The following KHDRBS2 variants were observed in gnomAD, a reference collection of about 807,000 sequenced individuals.
KHDRBS2 encodes KH domain-containing, RNA-binding, signal transduction-associated protein 2.
A neutral mutation model predicts 44.3 loss-of-function variants in KHDRBS2; 26 were observed. The observed-to-expected ratio is 0.59, with a 90% confidence interval of 0.43 to 0.81. The LOEUF (loss-of-function observed/expected upper bound fraction) is 0.81. Among genes scored for constraint, KHDRBS2 ranks in the 40% least tolerant of loss-of-function variants. The pLI is 0.00. For synonymous variants in KHDRBS2, 194 were observed against 151.1 expected, an observed-to-expected ratio of 1.28 and a Z score of -2.08; for missense variants, 476 against 433.1, an observed-to-expected ratio of 1.10 and a Z score of -0.88.
chr6:61,922,256 A>G (rs1274750997), intron 4 of KHDRBS2, among the ~76,000 whole-genome samples: 1 of 152,054 alleles, frequency 6.6e-6, no homozygotes, highest in African/African-American at 2.4e-5. Flanking sequence ...TCAGGCAACT[A>G]AGGCTAGTGA....
intron 2 of KHDRBS2, among the ~76,000 whole-genome samples, chr6:62,090,309 C>T (rs187366988): frequency 6.6e-6 from 1 of 152,074 alleles, no homozygotes; most frequent in African/African-American, 2.4e-5. Flanking sequence ...TTTAAGGGCC[C>T]AAGCATAGTT....
intron 6 of KHDRBS2, among the ~76,000 whole-genome samples, chr6:61,751,526 A>C (rs1158164228): frequency 6.6e-6 from 1 of 152,214 alleles, no homozygotes; most frequent in Non-Finnish European, 1.5e-5. Context: ...ACATGACACA[A>C]GTCTGAACTG....
At chr6:61,553,434 A>C in the KHDRBS2 span, among the ~76,000 whole-genome samples, 1 of 151,056 alleles carries the variant, frequency 6.6e-6, no homozygotes, top group African/African-American at 2.5e-5. Flanking sequence ...TATCCTATTT[A>C]TTTCTTCAGA....
intron 2 of KHDRBS2, among the ~76,000 whole-genome samples, chr6:62,095,664 C>T (rs776292410): frequency 1.3e-5 from 2 of 151,920 alleles, no homozygotes; most frequent in Non-Finnish European, 2.9e-5. Context: ...TGTCTCCAAA[C>T]AGGGACAATC....
In KHDRBS2 at chr6:62,053,402, T is replaced by C. The variant is rs1341373327; in HGVS notation, c.220-5408A>G. The stretch of plus-strand genomic sequence containing the variant: ...AAACCCACTTGGCAAAATAGTATCA[T>C]AGCTAAGTCCTGTTGTATGTACAAA... On this transcript the variant is annotated intron_variant, in intron 2 of 8. Coordinates refer to ENST00000281156, the MANE Select transcript of KHDRBS2 (RefSeq NM_152688.4). Among the ~76,000 whole-genome samples, 6 of 151,966 alleles carry C rather than the reference T, an allele frequency of 3.9e-5. No individual in the cohort carries two copies. The East Asian group carries it at 9.7e-4, about 25-fold the overall frequency.
intron 6 of KHDRBS2, among the ~76,000 whole-genome samples, chr6:61,877,048 T>C (rs1799515385): frequency 6.6e-6 from 1 of 152,068 alleles, no homozygotes; most frequent in Non-Finnish European, 1.5e-5. Context: ...ATAATCACTC[T>C]ATTCATTTGC....
chr6:61,899,738 C>A (rs957287903), intron 5 of KHDRBS2, among the ~76,000 whole-genome samples: 3 of 139,254 alleles, frequency 2.2e-5, no homozygotes, highest in South Asian at 2.5e-4. Flanking sequence ...TTAATGCCCC[C>A]CCCCCGCATT....
intron 2 of KHDRBS2, among the ~76,000 whole-genome samples, chr6:62,087,422 A>G: frequency 6.6e-6 from 1 of 151,722 alleles, no homozygotes; most frequent in Non-Finnish European, 1.5e-5. Context: ...AATTTAGACT[A>G]ATTTAGAAGA....
chr6:61,844,769 G>A (rs1794128226), intron 6 of KHDRBS2, among the ~76,000 whole-genome samples: 1 of 152,080 alleles, frequency 6.6e-6, no homozygotes, highest in Non-Finnish European at 1.5e-5. Context: ...CTGAAATCAT[G>A]TAAAGCTAGC....
At chr6:62,269,163 G>T (rs1229312198) in intron 1 of KHDRBS2, among the ~76,000 whole-genome samples, 1 of 151,956 alleles carries the variant, frequency 6.6e-6, no homozygotes, top group Non-Finnish European at 1.5e-5. Context: ...AGAAAATATT[G>T]AGAATAACTC....
At chr6:61,638,705 A>C in the KHDRBS2 span, among the ~76,000 whole-genome samples, 2 of 152,172 alleles carry the variant, frequency 1.3e-5, no homozygotes, top group Non-Finnish European at 2.9e-5. Flanking sequence ...ATCAATTAGC[A>C]TTATTCTGGT....
intron 3 of KHDRBS2, among the ~76,000 whole-genome samples, chr6:61,988,096 T>C (rs1282800374): frequency 6.6e-6 from 1 of 152,214 alleles, no homozygotes; most frequent in Non-Finnish European, 1.5e-5. Flanking sequence ...TTACTTATCT[T>C]GGGTTTGTAG....
chr6:61,991,060 C>T (rs931899728), intron 3 of KHDRBS2, among the ~76,000 whole-genome samples: 5 of 151,958 alleles, frequency 3.3e-5, no homozygotes, highest in South Asian at 2.1e-4. Context: ...TTCCCAGGGC[C>T]GTGGATGATT....
chr6:61,624,189 G>T, the KHDRBS2 span, among the ~76,000 whole-genome samples: 1 of 152,142 alleles, frequency 6.6e-6, no homozygotes, highest in Non-Finnish European at 1.5e-5. Context: ...CAGACAAAAC[G>T]ATTTGTCCAG....
At chr6:61,929,979 A>G (rs577103918) in intron 4 of KHDRBS2, among the ~76,000 whole-genome samples, 67 of 152,216 alleles carry the variant, frequency 4.4e-4, no homozygotes, top group African/African-American at 1.6e-3. Context: ...TCCATTGCCA[A>G]TGTGATAGTA....
intron 1 of KHDRBS2, among the ~76,000 whole-genome samples, chr6:62,207,846 G>A (rs752885445): frequency 2.4e-4 from 36 of 152,022 alleles, no homozygotes; most frequent in Non-Finnish European, 4.3e-4. Flanking sequence ...ATACTAAGAC[G>A]GTTCCTATAG....
intron 6 of KHDRBS2, among the ~76,000 whole-genome samples, chr6:61,766,212 T>A (rs1268039444): frequency 6.6e-6 from 1 of 152,036 alleles, no homozygotes; most frequent in African/African-American, 2.4e-5. Flanking sequence ...TCGGTAGGTT[T>A]TTATGTCCAG....
At chr6:61,544,889 A>G in the KHDRBS2 span, among the ~76,000 whole-genome samples, 1 of 152,028 alleles carries the variant, frequency 6.6e-6, no homozygotes, top group Non-Finnish European at 1.5e-5. Context: ...ATGAGAACAC[A>G]TGGTCAGAGG....
chr6:61,819,355 G>A (rs1789504131), intron 6 of KHDRBS2, among the ~76,000 whole-genome samples: 1 of 151,936 alleles, frequency 6.6e-6, no homozygotes, highest in Admixed American at 6.6e-5. Flanking sequence ...CAAATATAAT[G>A]TAACTTAAGG....
Sources: allele counts gnomAD v4.1 joint callset (sites outside exome capture counted in the v4.1 genomes callset), GRCh38; gene constraint gnomAD v4.1.1; transcripts MANE v1.5; gene names NCBI Gene and HGNC (gene_info 2026-07-23, HGNC 2026-07-21).